TAF1B: variants seen among roughly 807,000 people sequenced by gnomAD.
TAF1B encodes TATA-box binding protein associated factor, RNA polymerase I subunit B.
TAF1B carries 61 observed loss-of-function variants against 83.9 expected under a neutral mutation model. That is an observed-to-expected ratio of 0.73 (90% CI 0.59 to 0.90). The LOEUF (loss-of-function observed/expected upper bound fraction) is 0.90. Among genes scored for constraint, TAF1B ranks in the 40% least tolerant of loss-of-function variants. The pLI, the probability that TAF1B is intolerant of heterozygous loss-of-function variation, is 0.00. For synonymous variants in TAF1B, 221 were observed against 224.6 expected, an observed-to-expected ratio of 0.98 and a Z score of 0.14; for missense variants, 625 against 677.0, an observed-to-expected ratio of 0.92 and a Z score of 0.85.
At chr2:9,876,665 T>C (rs1003783908) in intron 7 of TAF1B, among the ~76,000 whole-genome samples, 8 of 152,236 alleles carry the variant, frequency 5.3e-5, no homozygotes, top group African/African-American at 1.4e-4. Flanking sequence ...TTAATCAATA[T>C]GTAGGGTGCT....
chr2:9,856,580 T>A (rs1215278628), intron 5 of TAF1B, among the ~76,000 whole-genome samples: 3 of 152,232 alleles, frequency 2.0e-5, no homozygotes. Flanking sequence ...TCTTTAAAAT[T>A]TCATATCTAA....
At chr2:9,878,840 A>C (rs1012413809) in intron 7 of TAF1B, among the ~76,000 whole-genome samples, 1 of 152,194 alleles carries the variant, frequency 6.6e-6, no homozygotes, top group Non-Finnish European at 1.5e-5. Flanking sequence ...CAAAAACCAC[A>C]ATTACTTTTG....
chr2:9,889,748 T>G (rs1664807308), intron 8 of TAF1B, among the ~76,000 whole-genome samples: 1 of 152,162 alleles, frequency 6.6e-6, no homozygotes, highest in African/African-American at 2.4e-5. Flanking sequence ...GAAGCTTGTT[T>G]TTAAGTTTTG....
intron 1 of TAF1B, 160 bp downstream of exon 1, chr2:9,843,719 C>G (rs2303915): frequency 1.3e-6 from 1 of 759,542 alleles, no homozygotes; most frequent in African/African-American, 1.9e-5. Flanking sequence ...CTGGGGCTGG[C>G]CGGCCGCATG....
chr2:9,896,642 A>AAAAAAAAAT (rs66506343), intron 8 of TAF1B, among the ~76,000 whole-genome samples: 1 of 130,174 alleles, frequency 7.7e-6, no homozygotes. Context: ...AAAAAAAAAA[A>AAAAAAAAAT]GCTTTAAAAA....
chr2:9,902,099 A>C (rs1266216048), intron 8 of TAF1B, among the ~76,000 whole-genome samples: 1 of 152,224 alleles, frequency 6.6e-6, no homozygotes, highest in African/African-American at 2.4e-5. Context: ...AAGTAAAATC[A>C]AGCATAGTTA....
chr2:9,895,767 T>A (rs1270358100), intron 8 of TAF1B, among the ~76,000 whole-genome samples: 2 of 151,456 alleles, frequency 1.3e-5, no homozygotes, highest in Non-Finnish European at 3.0e-5. Context: ...CAGTTGAATC[T>A]GCCTCAAAAC....
At chr2:9,877,513 T>C (rs79738089) in intron 7 of TAF1B, among the ~76,000 whole-genome samples, 6,702 of 152,300 alleles carry the variant, frequency 0.044, 196 homozygotes, top group Non-Finnish European at 0.067. Context: ...ATTCCCTCTC[T>C]CTCTCTGTCC....
chr2:9,930,930 C>T (rs1366692114), intron 14 of TAF1B, among the ~76,000 whole-genome samples: 2 of 152,124 alleles, frequency 1.3e-5, no homozygotes, highest in Non-Finnish European at 2.9e-5. Context: ...TAATGGCCTT[C>T]TTTATTTCTT....
At chr2:9,854,509 T>G in intron 5 of TAF1B, 88 bp downstream of exon 5, 1 of 897,336 alleles carries the variant, frequency 1.1e-6, no homozygotes, top group East Asian at 2.5e-5. Context: ...TTTGAGTATC[T>G]GAGATTATGA....
At chr2:9,845,475 G>T in intron 2 of TAF1B, 157 bp downstream of exon 2, 1 of 549,198 alleles carries the variant, frequency 1.8e-6, no homozygotes, top group South Asian at 2.1e-5. Flanking sequence ...CTTACACATA[G>T]GTTAAGGGAT....
At chr2:9,924,740 C>T (rs1024795469) in intron 14 of TAF1B, among the ~76,000 whole-genome samples, 12 of 152,136 alleles carry the variant, frequency 7.9e-5, no homozygotes, top group Admixed American at 6.5e-4. Context: ...AGCTATGTAT[C>T]GAATTTTGTT....
chr2:9,854,856 G>A lies in TAF1B; in HGVS notation c.399+435G>A, dbSNP rs561627565. Among the ~76,000 whole-genome samples the A allele has an allele frequency of 4.0e-4, 61 of 152,232 alleles. No homozygotes were observed. The Middle Eastern group carries it at 0.017, about 42-fold the overall frequency. Reference sequence around the variant, plus strand: ...CTTTATGTGAAGAAAAATAAAATCTGGGTATTCTCCCATATCCACCAGCTG... The same window carrying A: ...CTTTATGTGAAGAAAAATAAAATCTAGGTATTCTCCCATATCCACCAGCTG... On this transcript the variant is annotated intron_variant, in intron 5 of 14. Coordinates refer to ENST00000263663, the MANE Select transcript of TAF1B (RefSeq NM_005680.3).
At chr2:9,923,756 T>G (rs1665952002) in intron 14 of TAF1B, among the ~76,000 whole-genome samples, 1 of 152,042 alleles carries the variant, frequency 6.6e-6, no homozygotes, top group Non-Finnish European at 1.5e-5. Context: ...CAACCCAGGG[T>G]CAGCGCCATG....
rs540795906 is a variant in TAF1B at position 9,878,177 on chromosome 2, A to G, written c.707+2159A>G. The stretch of plus-strand genomic sequence containing the variant: ...ATCAGAAACCCTGGGGTAGGACCTG[A>G]TAATCTCTGCTTTAAAATAAGCCCT... On this transcript the variant is annotated intron_variant, in intron 7 of 14. Transcript: ENST00000263663. Among the ~76,000 whole-genome samples, 5 of 151,114 alleles carry G rather than the reference A, an allele frequency of 3.3e-5. No individual in the cohort carries two copies. The South Asian group carries it at 1.1e-3, about 32-fold the overall frequency.
At chr2:9,843,447 G>C (rs1663081311), upstream of TAF1B, 5 of 1,347,230 alleles carry the variant, frequency 3.7e-6, no homozygotes, top group African/African-American at 2.8e-5. Flanking sequence ...CGCGGATCTC[G>C]CGTTTCCGGC....
intron 7 of TAF1B, among the ~76,000 whole-genome samples, chr2:9,882,004 T>C (rs990451538): frequency 2.0e-5 from 3 of 152,076 alleles, no homozygotes; most frequent in African/African-American, 4.8e-5. Flanking sequence ...GAAGGAGTGA[T>C]TTATGAGTAG....
intron 8 of TAF1B, among the ~76,000 whole-genome samples, chr2:9,902,910 T>C (rs1665225822): frequency 1.3e-5 from 2 of 152,198 alleles, no homozygotes; most frequent in Admixed American, 6.5e-5. Context: ...TACATGCACA[T>C]GTGTGTTGTA....
chr2:9,916,837 C>CTTTTTTTTTTTTTTTTTTTTTTTTT (rs371475463), intron 12 of TAF1B, among the ~76,000 whole-genome samples: 3 of 95,734 alleles, frequency 3.1e-5, no homozygotes, highest in East Asian at 2.8e-4. Flanking sequence ...CCTTTCTGTT[C>CTTTTTTTTTTTTTTTTTTTTTTTTT]TTTTTTTTTT....
Sources: gnomAD v4.1 joint callset for allele counts (sites outside exome capture counted in the v4.1 genomes callset) on GRCh38, gnomAD v4.1.1 for gene constraint, MANE v1.5 for transcripts, NCBI Gene and HGNC (gene_info 2026-07-23, HGNC 2026-07-21) for gene names.